The following NCALD variants were observed in gnomAD, a reference collection of about 807,000 sequenced individuals.
NCALD encodes neurocalcin delta.
In NCALD, 10 loss-of-function variants were observed where a neutral mutation model predicts 18.6. The observed-to-expected ratio is 0.54, with a 90% CI of 0.33 to 0.91. NCALD has a LOEUF of 0.91. NCALD is among the 40% of genes least tolerant of loss of function. NCALD has a pLI of 0.03. For missense variants in NCALD, 184 were observed against 247.6 expected, an observed-to-expected ratio of 0.74 and a Z score of 1.72; for synonymous variants, 88 against 87.4, an observed-to-expected ratio of 1.01 and a Z score of -0.04.
intron 4 of NCALD, among the ~76,000 whole-genome samples, chr8:101,808,023 T>C (rs558765205): frequency 5.8e-4 from 89 of 152,172 alleles, no homozygotes; most frequent in African/African-American, 2.0e-3. Context: ...TTAATAAAAG[T>C]AATAACTCCT....
intron 4 of NCALD, among the ~76,000 whole-genome samples, chr8:101,847,053 C>T (rs557097337): frequency 6.6e-6 from 1 of 152,232 alleles, no homozygotes; most frequent in South Asian, 2.1e-4. Flanking sequence ...CTACATTTTC[C>T]AGACTTCTTT....
intron 2 of NCALD, 28 bp downstream of exon 2, chr8:101,719,224 C>A: frequency 6.3e-7 from 1 of 1,596,686 alleles, no homozygotes; most frequent in Non-Finnish European, 8.5e-7. Flanking sequence ...ACATGCCCTT[C>A]TTTTTTTAAA....
At chr8:101,846,709 G>A (rs951191773) in intron 4 of NCALD, among the ~76,000 whole-genome samples, 2 of 152,182 alleles carry the variant, frequency 1.3e-5, no homozygotes, top group South Asian at 2.1e-4. Flanking sequence ...GACTCTAGCA[G>A]CATTAAAATC....
intron 1 of NCALD, among the ~76,000 whole-genome samples, chr8:102,031,547 T>C (rs1258116142): frequency 3.3e-5 from 5 of 152,298 alleles, no homozygotes; most frequent in Non-Finnish European, 5.9e-5. Flanking sequence ...TGCTACATAT[T>C]TGATGTGCAG....
chr8:101,935,006 T>C (rs1818708638), intron 2 of NCALD, among the ~76,000 whole-genome samples: 1 of 151,944 alleles, frequency 6.6e-6, no homozygotes, highest in Admixed American at 6.6e-5. Flanking sequence ...AGACTATATA[T>C]AAAAAACTTG....
chr8:101,886,540 T>C (rs73696539), intron 4 of NCALD, among the ~76,000 whole-genome samples: 7,706 of 152,294 alleles, frequency 0.051, 435 homozygotes, highest in African/African-American at 0.14. Context: ...TAGATTTCCC[T>C]TCCTGAAAAG....
chr8:101,766,423 T>C (rs1811349269), intron 1 of NCALD, among the ~76,000 whole-genome samples: 1 of 152,212 alleles, frequency 6.6e-6, no homozygotes, highest in Non-Finnish European at 1.5e-5. Context: ...GATTAACAAT[T>C]TGGTGTATAT....
chr8:102,061,691 A>C (rs1213769787), intron 1 of NCALD, among the ~76,000 whole-genome samples: 1 of 152,210 alleles, frequency 6.6e-6, no homozygotes, highest in Admixed American at 6.5e-5. Flanking sequence ...TGTATTCAAC[A>C]CTGCTTTCAA....
At chr8:101,692,661 T>TGGGTGGGTAGGAGGGGAG in intron 3 of NCALD, 130 bp downstream of exon 3, 2 of 1,379,722 alleles carry the variant, frequency 1.4e-6, no homozygotes, top group Non-Finnish European at 1.9e-6. Context: ...TCTCCCCTCC[T>TGGGTGGGTAGGAGGGGAG]ACCCACCCAG....
At chr8:101,851,854 A>G (rs1357739110) in intron 4 of NCALD, among the ~76,000 whole-genome samples, 2 of 151,918 alleles carry the variant, frequency 1.3e-5, no homozygotes, top group Non-Finnish European at 2.9e-5. Flanking sequence ...TTTATGTTAA[A>G]CTCTAATTTC....
chr8:101,729,415 C>T (rs1212226576), intron 1 of NCALD, among the ~76,000 whole-genome samples: 1 of 152,120 alleles, frequency 6.6e-6, no homozygotes, highest in East Asian at 1.9e-4. Flanking sequence ...AGACCTATGC[C>T]CTATTTGGAT....
intron 2 of NCALD, among the ~76,000 whole-genome samples, chr8:102,003,414 G>A (rs964063786): frequency 2.6e-5 from 4 of 152,164 alleles, no homozygotes; most frequent in African/African-American, 9.7e-5. Context: ...AAAGATTCCA[G>A]GACCAGATGG....
At chr8:101,976,872 A>G (rs1383550121) in intron 2 of NCALD, among the ~76,000 whole-genome samples, 1 of 152,136 alleles carries the variant, frequency 6.6e-6, no homozygotes, top group Non-Finnish European at 1.5e-5. Context: ...GGTAAGTGCT[A>G]TGAAGGAGAA....
At chr8:101,958,664 C>G (rs1489483946) in intron 2 of NCALD, among the ~76,000 whole-genome samples, 1 of 152,102 alleles carries the variant, frequency 6.6e-6, no homozygotes, top group Non-Finnish European at 1.5e-5. Context: ...CTCAACTGCT[C>G]TAGCAGAAGA....
intron 2 of NCALD, among the ~76,000 whole-genome samples, chr8:101,987,361 A>G (rs1009980639): frequency 6.6e-6 from 1 of 152,234 alleles, no homozygotes; most frequent in Non-Finnish European, 1.5e-5. Context: ...AACAAAATCA[A>G]AAACTTCCTA....
intron 1 of NCALD, among the ~76,000 whole-genome samples, chr8:102,076,085 T>C (rs74704917): frequency 0.061 from 9,213 of 151,958 alleles, 408 homozygotes; most frequent in Non-Finnish European, 0.092. Context: ...TAAAGGAATA[T>C]AAAACTTGTG....
chr8:102,070,776 C>T (rs1350516477), intron 1 of NCALD, among the ~76,000 whole-genome samples: 1 of 152,180 alleles, frequency 6.6e-6, no homozygotes, highest in Non-Finnish European at 1.5e-5. Context: ...AGCTCATGGG[C>T]AGCCAGTTCA....
At chr8:101,991,755 G>C (rs1055542415) in intron 2 of NCALD, among the ~76,000 whole-genome samples, 2 of 152,150 alleles carry the variant, frequency 1.3e-5, no homozygotes, top group Non-Finnish European at 2.9e-5. Flanking sequence ...TAGAAGAATG[G>C]AACAAATCTG....
At chr8:101,881,396 G>A (rs1028976422) in intron 4 of NCALD, among the ~76,000 whole-genome samples, 23 of 152,204 alleles carry the variant, frequency 1.5e-4, no homozygotes, top group Admixed American at 1.0e-3. Flanking sequence ...TGATTAAACC[G>A]CCGATAATAT....
Sources: gnomAD v4.1 joint callset for allele counts (sites outside exome capture counted in the v4.1 genomes callset) on GRCh38, gnomAD v4.1.1 for gene constraint, MANE v1.5 for transcripts, NCBI Gene and HGNC (gene_info 2026-07-23, HGNC 2026-07-21) for gene names.